DCC: variants seen among roughly 807,000 people sequenced by gnomAD.
The protein encoded by DCC is netrin receptor DCC.
A neutral mutation model predicts 172.5 loss-of-function variants in DCC; 58 were observed. The ratio of observed to expected loss-of-function variants is 0.34; its 90% CI spans 0.27 to 0.42. The LOEUF (loss-of-function observed/expected upper bound fraction) is 0.42, where lower values mean the gene tolerates loss of function less well. Among genes scored for constraint, DCC ranks in the 10% least tolerant of loss-of-function variants. The pLI is 1.00. For synonymous variants in DCC, 709 were observed against 644.5 expected (o/e 1.10, Z -1.52); for missense variants, 1,740 against 1,791.0 (o/e 0.97, Z 0.51).
At chr18:53,476,700 C>G (rs531869892) in intron 25 of DCC, among the ~76,000 whole-genome samples, 1 of 152,252 alleles carries the variant, frequency 6.6e-6, no homozygotes, top group East Asian at 1.9e-4. Flanking sequence ...TTCAGGAGGA[C>G]AATTACTTTT....
intron 1 of DCC, among the ~76,000 whole-genome samples, chr18:52,443,486 A>G (rs1988031216): frequency 6.6e-6 from 1 of 152,206 alleles, no homozygotes; most frequent in African/African-American, 2.4e-5. Context: ...AAATATTTGC[A>G]TAACTCTGCT....
At chr18:53,133,591 C>T (rs780930352) in intron 7 of DCC, among the ~76,000 whole-genome samples, 4 of 152,152 alleles carry the variant, frequency 2.6e-5, no homozygotes, top group Non-Finnish European at 5.9e-5. Flanking sequence ...ATATCATCCA[C>T]CACTTTCATG....
intron 2 of DCC, among the ~76,000 whole-genome samples, chr18:52,769,427 C>A (rs1367323263): frequency 8.1e-6 from 1 of 123,804 alleles, no homozygotes; most frequent in African/African-American, 2.6e-5. Flanking sequence ...TTGAATTATT[C>A]ATTTTTTTCT....
At chr18:53,107,541 G>GGAAA (rs74180406) in intron 7 of DCC, among the ~76,000 whole-genome samples, 1 of 137,552 alleles carries the variant, frequency 7.3e-6, no homozygotes, top group Non-Finnish European at 1.5e-5. Flanking sequence ...AAAAAGGAAG[G>GGAAA]AAAAAAAAAA....
At chr18:53,324,459 G>GAAGAAA (rs145875579) in intron 14 of DCC, among the ~76,000 whole-genome samples, 25,267 of 152,000 alleles carry the variant, frequency 0.17, 2,608 homozygotes, top group African/African-American at 0.29. Flanking sequence ...TAGGTGCTCT[G>GAAGAAA]AAGAAGCATG....
intron 2 of DCC, among the ~76,000 whole-genome samples, chr18:52,884,682 G>A (rs2039544066): frequency 6.6e-6 from 1 of 152,138 alleles, no homozygotes; most frequent in African/African-American, 2.4e-5. Flanking sequence ...CTCTGTTTCT[G>A]CAGAATTGAT....
At chr18:53,456,308 C>G (rs2045482145) in intron 23 of DCC, among the ~76,000 whole-genome samples, 1 of 152,134 alleles carries the variant, frequency 6.6e-6, no homozygotes, top group Non-Finnish European at 1.5e-5. Context: ...ACCATGCTGT[C>G]AAAGTTTTGC....
At chr18:52,678,486 G>T (rs1451334861) in intron 1 of DCC, among the ~76,000 whole-genome samples, 1 of 152,066 alleles carries the variant, frequency 6.6e-6, no homozygotes, top group Non-Finnish European at 1.5e-5. Flanking sequence ...AAATAAAGCA[G>T]AACAATGAAA....
At chr18:52,731,105 A>C (rs1010561923) in intron 1 of DCC, among the ~76,000 whole-genome samples, 1 of 152,204 alleles carries the variant, frequency 6.6e-6, no homozygotes, top group Non-Finnish European at 1.5e-5. Context: ...GTTTGTGTCT[A>C]TTATGTGGTC....
chr18:53,036,848 G>T (rs1389786911), intron 5 of DCC, among the ~76,000 whole-genome samples: 1 of 151,982 alleles, frequency 6.6e-6, no homozygotes, highest in African/African-American at 2.4e-5. Context: ...GAGGCTTGGA[G>T]ATGTGTTCTT....
intron 5 of DCC, among the ~76,000 whole-genome samples, chr18:53,050,381 A>G (rs898235760): frequency 6.6e-6 from 1 of 152,098 alleles, no homozygotes; most frequent in Non-Finnish European, 1.5e-5. Context: ...GGCCATTTTA[A>G]TGATACTGAT....
chr18:53,401,762 G>T (rs543931087), intron 18 of DCC, among the ~76,000 whole-genome samples: 7 of 152,278 alleles, frequency 4.6e-5, no homozygotes, highest in Admixed American at 2.6e-4. Flanking sequence ...CAGACTTGTG[G>T]CATTGTGAGC....
At chr18:53,520,023 CAAG>C in intron 27 of DCC, among the ~76,000 whole-genome samples, 1 of 152,206 alleles carries the variant, frequency 6.6e-6, no homozygotes, top group East Asian at 1.9e-4. Context: ...AGTCCATTAT[CAAG>C]AAGGAGTCAC....
intron 2 of DCC, among the ~76,000 whole-genome samples, chr18:52,900,097 C>G (rs1368710749): frequency 6.6e-6 from 1 of 152,166 alleles, no homozygotes; most frequent in African/African-American, 2.4e-5. Context: ...TGTAGGACAA[C>G]TGGTTCTATC....
At chr18:52,489,059 T>C (rs1427245340) in intron 1 of DCC, among the ~76,000 whole-genome samples, 3 of 152,128 alleles carry the variant, frequency 2.0e-5, no homozygotes, top group Non-Finnish European at 4.4e-5. Flanking sequence ...TCCTACTCTC[T>C]GTCAACCCTT....
At chr18:53,162,467 A>G (rs2054857920) in intron 8 of DCC, among the ~76,000 whole-genome samples, 1 of 152,184 alleles carries the variant, frequency 6.6e-6, no homozygotes, top group African/African-American at 2.4e-5. Flanking sequence ...AAGTTAGGGT[A>G]TGTCATTCCT....
chr18:53,233,048 A>T (rs189717156), intron 12 of DCC, among the ~76,000 whole-genome samples: 298 of 150,538 alleles, frequency 2.0e-3, no homozygotes, highest in African/African-American at 7.0e-3. Context: ...GATTTATTTT[A>T]TTTTTGCCTT....
chr18:53,355,784 G>A (rs76960805), intron 15 of DCC, among the ~76,000 whole-genome samples: 2,139 of 151,804 alleles, frequency 0.014, 53 homozygotes, highest in African/African-American at 0.048. Flanking sequence ...CCTGGCACTC[G>A]TTCTTATTTT....
At chr18:52,494,074 C>A (rs1208812462) in intron 1 of DCC, among the ~76,000 whole-genome samples, 1 of 151,990 alleles carries the variant, frequency 6.6e-6, no homozygotes, top group Non-Finnish European at 1.5e-5. Context: ...ATTTTGCCTT[C>A]ACTTTTGATG....
Sources: allele counts gnomAD v4.1 joint callset (sites outside exome capture counted in the v4.1 genomes callset), GRCh38; gene constraint gnomAD v4.1.1; transcripts MANE v1.5; gene names NCBI Gene and HGNC (gene_info 2026-07-23, HGNC 2026-07-21).